SLC19A3: variants seen among roughly 807,000 people sequenced by gnomAD.
SLC19A3 encodes thiamine transporter 2.
SLC19A3 carries 31 observed loss-of-function variants against 40.2 expected under a neutral mutation model. The ratio of observed to expected loss-of-function variants is 0.77; its 90% confidence interval spans 0.58 to 1.04. SLC19A3 has a LOEUF of 1.04. Among genes scored for constraint, SLC19A3 ranks in the 50% least tolerant of loss-of-function variants. The probability of loss-of-function intolerance (pLI) is 0.00; values close to 1 mark genes in which losing one functional copy is unlikely to be tolerated. For synonymous variants in SLC19A3, 212 were observed against 227.5 expected, an observed-to-expected ratio of 0.93 and a Z score of 0.61; for missense variants, 592 against 596.7, an observed-to-expected ratio of 0.99 and a Z score of 0.08.
At chr2:227,690,354 T>C (rs1372703239) in intron 4 of SLC19A3, among the ~76,000 whole-genome samples, 1 of 152,048 alleles carries the variant, frequency 6.6e-6, no homozygotes, top group Non-Finnish European at 1.5e-5. Context: ...AGACAGAAAC[T>C]GTAAGAGACA....
intron 1 of SLC19A3, among the ~76,000 whole-genome samples, chr2:227,705,027 C>G (rs1385919039): frequency 1.3e-5 from 2 of 151,932 alleles, no homozygotes; most frequent in African/African-American, 2.4e-5. Flanking sequence ...ATTACAGGCA[C>G]CCACCATGCC....
chr2:227,688,346 A>G, intron 4 of SLC19A3, 39 bp from the exon 5 acceptor site: 1 of 1,593,576 alleles, frequency 6.3e-7, no homozygotes, highest in East Asian at 2.2e-5. Context: ...ACTATAATAT[A>G]CATGGATGGA....
In SLC19A3 at chr2:227,687,621, G is replaced by A. The variant is rs748723749; in HGVS notation, c.1315-48C>T. Reference sequence around the variant, plus strand: ...CCACATATAAAATATGACCATCTATGTCAATGATAATACATCCTAATACTG... The same window carrying A: ...CCACATATAAAATATGACCATCTATATCAATGATAATACATCCTAATACTG... On this transcript the variant is annotated intron_variant, in intron 5 of 5. Transcript: ENST00000644224. 7 of 1,587,058 alleles carry A rather than the reference G, an allele frequency of 4.4e-6. No homozygotes were observed. The Admixed American group carries it at 1.0e-4, about 23-fold the overall frequency.
At chr2:227,701,411 C>T (rs1695682323) in intron 2 of SLC19A3, among the ~76,000 whole-genome samples, 1 of 152,080 alleles carries the variant, frequency 6.6e-6, no homozygotes, top group Non-Finnish European at 1.5e-5. Context: ...CTCTTGAGGC[C>T]AGAAGTTCGA....
rs1048527114 is a variant in SLC19A3 at position 227,684,802 on chromosome 2, G to A, written c.*2595C>T. On this transcript the variant is annotated 3_prime_UTR_variant, in exon 6 of 6. Coordinates refer to ENST00000644224, the MANE Select transcript of SLC19A3 (RefSeq NM_025243.4). ...GTTTGAAACCAGCCTGACCAACATG[G>A]TGAAACCCCGTCTCTACTAAATATA... 6.6e-6 allele frequency: 1 copy of A among 151,896 alleles called. No individual in the cohort carries two copies. Among genetic ancestry groups the A allele is most frequent in the Non-Finnish European group, 1.5e-5 (1 of 67,980 alleles). 9.4% of individuals were successfully genotyped at this position (151,896 alleles called of 1,614,324 possible).
intron 5 of SLC19A3, 60 bp downstream of exon 5, chr2:227,688,106 G>A: frequency 6.4e-7 from 1 of 1,569,258 alleles, no homozygotes; most frequent in South Asian, 1.1e-5. Context: ...AATATTGCTT[G>A]TTGTAAGGTT....
intron 1 of SLC19A3, among the ~76,000 whole-genome samples, chr2:227,709,874 G>C (rs1002533636): frequency 7.9e-5 from 12 of 152,146 alleles, no homozygotes; most frequent in African/African-American, 2.6e-4. Context: ...TACAATAGTG[G>C]TACCCAACCT....
chr2:227,705,422 G>A lies in SLC19A3; in HGVS notation c.-2-3102C>T, dbSNP rs553144171. Among the ~76,000 whole-genome samples, 378 of 141,128 alleles carry A rather than the reference G, an allele frequency of 2.7e-3. 4 individuals carry two copies. Among genetic ancestry groups the A allele is most frequent in the Non-Finnish European group, 3.4e-3 (227 of 66,574 alleles). 92.6% of individuals were successfully genotyped at this position (141,128 alleles called of 152,430 possible). Reference sequence around the variant, plus strand: ...TTGAGACCAGCCTGGACAACATAGCGAGGCCCTATCTCTTAAAAAAAAAAA... The same window carrying A: ...TTGAGACCAGCCTGGACAACATAGCAAGGCCCTATCTCTTAAAAAAAAAAA... On this transcript the variant is annotated intron_variant, in intron 1 of 5. Coordinates refer to ENST00000644224, the MANE Select transcript of SLC19A3 (RefSeq NM_025243.4).
rs898798043 is a variant in SLC19A3 at position 227,687,319 on chromosome 2, A to G, written c.*78T>C. The G allele has an allele frequency of 2.8e-6, 4 of 1,423,648 alleles. No individual in the cohort carries two copies. Among genetic ancestry groups the G allele is most frequent in the Admixed American group, 4.3e-5 (2 of 46,402 alleles). The allele number at this position is 1,423,648 out of a possible 1,614,324, so 88.2% of individuals were successfully genotyped here. ...GCAAAGCATGTCAAGTTATGGCAAA[A>G]CATATGCCACCCATCTCAAAATCTT... On this transcript the variant is annotated 3_prime_UTR_variant, in exon 6 of 6. Coordinates refer to ENST00000644224, the MANE Select transcript of SLC19A3 (RefSeq NM_025243.4).
At position 227,699,328 on chromosome 2, in the gene SLC19A3, G is replaced by A. The variant is rs143579160; in HGVS notation, c.387C>T (p.Ser129=). The change falls in exon 3 of 6, where the codon AGC becomes AGT. Residue 129 remains serine, a synonymous_variant. Transcript: ENST00000644224. ...AEVAYYAYIY[S]VVSPEHYQRV... ...TCTGGTAGTGCTCGGGGCTGACCAC[G>A]CTGTATATGTAGGCGTAGTAGGCCA... is the stretch of plus-strand genomic sequence containing the variant. 4.9e-5 allele frequency: 79 copies of A among 1,614,146 alleles called. No individual in the cohort carries two copies. In the African/African-American group the frequency reaches 9.1e-4, roughly 19 times the overall value.
intron 4 of SLC19A3, among the ~76,000 whole-genome samples, chr2:227,695,130 A>G (rs1382397740): frequency 6.6e-6 from 1 of 152,192 alleles, no homozygotes; most frequent in Non-Finnish European, 1.5e-5. Context: ...CTTTGCATCT[A>G]CTTTTTTTAG....
chr2:227,706,490 G>C (rs1695948378), intron 1 of SLC19A3: 1 of 1,221,160 alleles, frequency 8.2e-7, no homozygotes, highest in Non-Finnish European at 1.0e-6. Context: ...ATTTTAAAAG[G>C]CTGGGTGTAG....
Position 227,695,958 on chromosome 2 carries a change from T to C in SLC19A3, c.1103A>G (p.Asn368Ser), listed in dbSNP as rs754010837. Reference sequence around the variant, plus strand: ...ATAGCCAGCATAGCACGCCCAGATATTGGCTGTGTAATGCATGAGAAATAA... The same window carrying C: ...ATAGCCAGCATAGCACGCCCAGATACTGGCTGTGTAATGCATGAGAAATAA... ...GSLFLMHYTANIWACYAGYLI... is the reference protein window; with the variant it reads ...GSLFLMHYTASIWACYAGYLI... Residue 368 changes from asparagine to serine, a missense_variant, in exon 4 of 6, where the codon AAT (asparagine) becomes AGT (serine). Physicochemically the swap from Asn to Ser is conservative, Grantham distance 46. Transcript: ENST00000644224. 1.9e-6 allele frequency: 3 copies of C among 1,614,178 alleles called. No homozygotes were observed. Among genetic ancestry groups the C allele is most frequent in the Non-Finnish European group, 8.5e-7 (1 of 1,180,028 alleles).
intron 1 of SLC19A3, chr2:227,714,711 A>G: frequency 1.5e-5 from 8 of 517,380 alleles, no homozygotes; most frequent in Non-Finnish European, 2.0e-5. Context: ...TCCAAAAAAA[A>G]AAAAAAAAAA....
chr2:227,712,271 A>AG (rs1696170319), intron 1 of SLC19A3, among the ~76,000 whole-genome samples: 1 of 152,050 alleles, frequency 6.6e-6, no homozygotes, highest in Non-Finnish European at 1.5e-5. Flanking sequence ...ACACACACAA[A>AG]GGCAAAGAAA....
rs776267565 is a variant in SLC19A3, at chr2:227,688,189, G to A, written c.1291C>T (p.Leu431Phe). 1.2e-6 allele frequency: 2 copies of A among 1,614,058 alleles called. No homozygotes were observed. The highest frequency in any genetic ancestry group is 1.7e-6 in the Non-Finnish European group (2 of 1,179,958). ...ACCTGAATGCTGACTGGCAAGTTGA[G>A]CCCTCTCTGATCTACTACAATCACA... ...MTVIVVDQRG[L>F]NLPVSIQFLV... The change falls in exon 5 of 6, where the codon CTC (leucine) becomes TTC (phenylalanine). Residue 431 changes from leucine (L) to phenylalanine (F), a missense_variant. Leu to Phe is a conservative substitution (Grantham distance 22). Transcript: ENST00000644224.
chr2:227,712,897 G>A (rs1696190328), intron 1 of SLC19A3, among the ~76,000 whole-genome samples: 1 of 152,136 alleles, frequency 6.6e-6, no homozygotes, highest in Non-Finnish European at 1.5e-5. Context: ...ATTGGTGGTT[G>A]CCTGGGGTGG....
intron 1 of SLC19A3, among the ~76,000 whole-genome samples, chr2:227,704,781 G>T (rs1362402039): frequency 6.6e-6 from 1 of 152,098 alleles, no homozygotes; most frequent in Admixed American, 6.6e-5. Flanking sequence ...GTGAGATCTT[G>T]TCTCAAAAAT....
intron 3 of SLC19A3, among the ~76,000 whole-genome samples, chr2:227,697,870 G>A (rs934226116): frequency 5.9e-5 from 9 of 152,020 alleles, no homozygotes; most frequent in African/African-American, 1.9e-4. Context: ...GAGGTCAAGA[G>A]ATTGAGACCA....
Sources: allele counts gnomAD v4.1 joint callset (sites outside exome capture counted in the v4.1 genomes callset), GRCh38; gene constraint gnomAD v4.1.1; transcripts MANE v1.5; gene names NCBI Gene and HGNC (gene_info 2026-07-23, HGNC 2026-07-21).